RTN4RL1: variants seen among roughly 807,000 people sequenced by gnomAD.
RTN4RL1 encodes the protein reticulon-4 receptor-like 1.
Under a neutral mutation model 25.6 loss-of-function variants are expected in RTN4RL1, and 7 were observed. The ratio of observed to expected loss-of-function variants is 0.27; its 90% CI spans 0.16 to 0.51. The LOEUF is 0.51. Among genes scored for constraint, RTN4RL1 ranks in the 20% least tolerant of loss-of-function variants. The pLI, the probability that RTN4RL1 is intolerant of heterozygous loss-of-function variation, is 0.97. For synonymous variants in RTN4RL1, 297 were observed against 288.2 expected (o/e 1.03, Z -0.31); for missense variants, 500 against 615.6 (o/e 0.81, Z 1.99).
At position 2,011,598 on chromosome 17, in the gene RTN4RL1, C is replaced by T. The variant is rs112821178; in HGVS notation, c.13+13255G>A. On this transcript the variant is annotated intron_variant, in intron 1 of 1. Transcript: ENST00000331238. ...GGCAGAGAGGCCAGGAGAGGGACCA[C>T]GGAGGGCTGTACATTCTGGAGCTCC... Among the ~76,000 whole-genome samples, 767 of 152,288 alleles carry T rather than the reference C, an allele frequency of 5.0e-3. 8 individuals carry two copies. The highest frequency in any genetic ancestry group is 0.018 in the African/African-American group (731 of 41,546).
chr17:1,986,031 G>C (rs1718678384), intron 1 of RTN4RL1, among the ~76,000 whole-genome samples: 1 of 151,938 alleles, frequency 6.6e-6, no homozygotes, highest in South Asian at 2.1e-4. Context: ...CTATAACCTT[G>C]ACAGCTCTGT....
intron 1 of RTN4RL1, among the ~76,000 whole-genome samples, chr17:1,945,366 G>A (rs1915514904): frequency 6.6e-6 from 1 of 152,162 alleles, no homozygotes; most frequent in Non-Finnish European, 1.5e-5. Flanking sequence ...GGGATTACAG[G>A]TGCCCGCCAC....
intron 1 of RTN4RL1, chr17:1,995,807 A>C (rs1005732498): frequency 6.6e-6 from 1 of 152,282 alleles, no homozygotes; most frequent in Admixed American, 6.5e-5. Context: ...CGAGCAACCC[A>C]TGCACTTAAC....
intron 1 of RTN4RL1, among the ~76,000 whole-genome samples, chr17:1,977,636 G>C (rs1490998282): frequency 6.6e-6 from 1 of 152,156 alleles, no homozygotes; most frequent in Admixed American, 6.5e-5. Flanking sequence ...GAGGGGAGCG[G>C]TAAGTGGGGG....
chr17:1,950,321 C>G (rs957859244), intron 1 of RTN4RL1, among the ~76,000 whole-genome samples: 1 of 152,060 alleles, frequency 6.6e-6, no homozygotes, highest in Non-Finnish European at 1.5e-5. Context: ...ACGGGGGTCA[C>G]GGGGCGGCTT....
At chr17:1,967,468 A>G (rs942310056) in intron 1 of RTN4RL1, among the ~76,000 whole-genome samples, 1 of 151,574 alleles carries the variant, frequency 6.6e-6, no homozygotes, top group East Asian at 1.9e-4. Flanking sequence ...CGCCCAACCC[A>G]AATCTCCCTG....
chr17:1,975,150 A>G (rs934555346), intron 1 of RTN4RL1, among the ~76,000 whole-genome samples: 1 of 152,194 alleles, frequency 6.6e-6, no homozygotes, highest in Non-Finnish European at 1.5e-5. Context: ...GAGAGAAGAC[A>G]TGGTACAGGG....
intron 1 of RTN4RL1, among the ~76,000 whole-genome samples, chr17:1,975,870 C>CACT (rs2066840764): frequency 1.3e-5 from 2 of 152,058 alleles, no homozygotes; most frequent in Admixed American, 1.3e-4. Flanking sequence ...TAAAGAAAAC[C>CACT]ACTACAGAGA....
intron 1 of RTN4RL1, among the ~76,000 whole-genome samples, chr17:1,958,318 C>T (rs1234854479): frequency 1.3e-5 from 2 of 152,232 alleles, no homozygotes; most frequent in East Asian, 3.8e-4. Flanking sequence ...GCCGCTGCTG[C>T]ACAGAGACCC....
intron 1 of RTN4RL1, among the ~76,000 whole-genome samples, chr17:1,959,798 C>CAA (rs745600508): frequency 6.6e-6 from 1 of 152,054 alleles, no homozygotes; most frequent in Non-Finnish European, 1.5e-5. Flanking sequence ...CTCCTGACCT[C>CAA]GTGATCCACC....
chr17:1,936,764 C>T lies in RTN4RL1; in HGVS notation c.1058G>A (p.Gly353Glu), dbSNP rs1241384322. ...HGPRPGHRKPGKNCTNPRNRN... is the reference protein window; with the variant it reads ...HGPRPGHRKPEKNCTNPRNRN... ...GTTCCTGGGGTTGGTGCAGTTCTTC[C>T]CCGGCTTCCTGTGGCCGGGCCGGGG... The change falls in exon 2 of 2, where the codon GGG becomes GAG. Residue 353 changes from glycine (G) to glutamate (E), a missense_variant. Physicochemically the swap from Gly to Glu is moderately conservative, Grantham distance 98. Transcript: ENST00000331238. 3 of 1,594,656 alleles carry T rather than the reference C, an allele frequency of 1.9e-6. No homozygotes were observed. The highest frequency in any genetic ancestry group is 2.6e-6 in the Non-Finnish European group (3 of 1,172,072).
At chr17:1,963,725 T>TTTTTTC (rs559529832) in intron 1 of RTN4RL1, among the ~76,000 whole-genome samples, 3 of 151,732 alleles carry the variant, frequency 2.0e-5, no homozygotes, top group East Asian at 1.9e-4. Context: ...CCCTTCGGAG[T>TTTTTTC]TTTTTCTTTT....
intron 1 of RTN4RL1, among the ~76,000 whole-genome samples, chr17:2,007,333 C>T (rs1207904610): frequency 8.6e-6 from 1 of 116,324 alleles, no homozygotes; most frequent in Non-Finnish European, 1.8e-5. Context: ...ATGTTCACAG[C>T]CCCAACACAC....
chr17:2,013,187 G>C (rs1278729296), intron 1 of RTN4RL1, among the ~76,000 whole-genome samples: 10 of 152,222 alleles, frequency 6.6e-5, no homozygotes, highest in Admixed American at 6.5e-4. Context: ...TAAAGAAGAA[G>C]AGAGAAGTGA....
rs140614424 is a variant in RTN4RL1 at position 1,936,173 on chromosome 17, G to A, written c.*323C>T. 2.6e-4 allele frequency: 299 copies of A among 1,153,074 alleles called. 1 individual carries two copies. In the African/African-American group the frequency reaches 4.3e-3, roughly 17 times the overall value. 71.4% of individuals were successfully genotyped at this position (1,153,074 alleles called of 1,614,324 possible). ...GATTCCACAGAGCCCCGGTGCCGCC[G>A]TCGGGGGCAATTGTCCCACTGTTGC... On this transcript the variant is annotated 3_prime_UTR_variant, in exon 2 of 2. Transcript: ENST00000331238.
Position 1,934,818 on chromosome 17 carries a change from C to T in RTN4RL1, c.*1678G>A, listed in dbSNP as rs1915260005. On this transcript the variant is annotated 3_prime_UTR_variant, in exon 2 of 2. Coordinates refer to ENST00000331238, the MANE Select transcript of RTN4RL1 (RefSeq NM_178568.4). The surrounding 1 kb of genome is among the most constrained non-coding windows in gnomAD (Gnocchi z 4.0). ...AAGGAGCTTGTACCCACCTGGGCCC[C>T]CGGCCAGCAGCACGGCCGGCTTTGA... The T allele has an allele frequency of 6.5e-6, 1 of 152,692 alleles. No individual in the cohort carries two copies. Among genetic ancestry groups the T allele is most frequent in the South Asian group, 2.1e-4 (1 of 4,838 alleles). 9.5% of individuals were successfully genotyped at this position (152,692 alleles called of 1,614,324 possible).
chr17:1,953,028 G>A (rs1446767615), intron 1 of RTN4RL1, among the ~76,000 whole-genome samples: 2 of 151,844 alleles, frequency 1.3e-5, no homozygotes, highest in Non-Finnish European at 2.9e-5. Flanking sequence ...AGTGAGCCGA[G>A]ATTGTGCCAC....
intron 1 of RTN4RL1, among the ~76,000 whole-genome samples, chr17:1,974,363 C>A (rs568627600): frequency 8.4e-4 from 127 of 151,662 alleles, no homozygotes; most frequent in African/African-American, 2.9e-3. Context: ...TGCACTCCAG[C>A]CTGGGCGACA....
At chr17:2,021,692 T>A (rs1046122738) in intron 1 of RTN4RL1, among the ~76,000 whole-genome samples, 1 of 151,302 alleles carries the variant, frequency 6.6e-6, no homozygotes, top group East Asian at 2.0e-4. Context: ...GGAGCTGGGA[T>A]TACAGGCATG....
Sources: gnomAD v4.1 joint callset for allele counts (sites outside exome capture counted in the v4.1 genomes callset) on GRCh38, gnomAD v4.1.1 for gene constraint, Gnocchi (gnomAD v3.1) non-coding constraint, MANE v1.5 for transcripts, NCBI Gene and HGNC (gene_info 2026-07-23, HGNC 2026-07-21) for gene names.